Variants in AMD1 observed in about 807,000 individuals in gnomAD.
AMD1 encodes the protein adenosylmethionine decarboxylase 1.
AMD1 carries 11 observed loss-of-function variants against 40.2 expected under a neutral mutation model. That is an observed-to-expected ratio of 0.27 (90% confidence interval 0.17 to 0.45). The LOEUF is 0.45. Among genes scored for constraint, AMD1 ranks in the 20% least tolerant of loss-of-function variants. AMD1 has a pLI of 1.00. For missense variants in AMD1, 257 were observed against 410.2 expected (o/e 0.63, Z 3.23); for synonymous variants, 121 against 130.8 (o/e 0.93, Z 0.51).
At chr6:110,820,154 A>C in the AMD1 span, among the ~76,000 whole-genome samples, 1 of 152,052 alleles carries the variant, frequency 6.6e-6, no homozygotes, top group Non-Finnish European at 1.5e-5. Context: ...CTGCCTATGG[A>C]GTAGCCATTC....
chr6:110,890,062 C>G (rs1476962702), intron 3 of AMD1, 192 bp from the exon 4 acceptor site: 4 of 505,164 alleles, frequency 7.9e-6, no homozygotes, highest in Non-Finnish European at 1.4e-5. Context: ...AGGCTGGACT[C>G]CTGGGCCAAG....
chr6:110,860,862 CACACACACAGAG>C, the AMD1 span, among the ~76,000 whole-genome samples: 2 of 149,784 alleles, frequency 1.3e-5, no homozygotes, highest in African/African-American at 2.5e-5. Flanking sequence ...CACACACACA[CACACACACAGAG>C]AGAGAGAACA....
At chr6:110,848,617 T>A in the AMD1 span, 1 of 568,028 alleles carries the variant, frequency 1.8e-6, no homozygotes, top group Non-Finnish European at 2.8e-6. Context: ...AAATCTTCTT[T>A]TGCAACCCAG....
At chr6:110,839,417 C>A in the AMD1 span, among the ~76,000 whole-genome samples, 3 of 152,090 alleles carry the variant, frequency 2.0e-5, no homozygotes, top group African/African-American at 7.2e-5. Flanking sequence ...GGTGTAGGTG[C>A]TTTTCCCCAT....
intron 3 of AMD1, chr6:110,889,989 C>A: frequency 2.9e-6 from 1 of 344,704 alleles, no homozygotes; most frequent in Non-Finnish European, 5.3e-6. Context: ...GACCCATCAT[C>A]ACTAGACTGG....
At chr6:110,866,386 A>G in the AMD1 span, among the ~76,000 whole-genome samples, 9 of 152,214 alleles carry the variant, frequency 5.9e-5, no homozygotes, top group African/African-American at 2.2e-4. Context: ...AATCACTGTC[A>G]TGAGGCAGTT....
the AMD1 span, among the ~76,000 whole-genome samples, chr6:110,844,806 G>A: frequency 3.6e-4 from 54 of 151,524 alleles, no homozygotes; most frequent in Non-Finnish European, 8.8e-5. Flanking sequence ...AAGAAAGAAA[G>A]AAAGAAAAAA....
At chr6:110,819,232 C>T in the AMD1 span, among the ~76,000 whole-genome samples, 119 of 152,244 alleles carry the variant, frequency 7.8e-4, 2 homozygotes, top group African/African-American at 2.5e-3. Context: ...TGGCGCATGC[C>T]TGTAATCCCA....
intron 8 of AMD1, 145 bp from the exon 9 acceptor site, chr6:110,893,331 C>A: frequency 8.7e-7 from 1 of 1,147,522 alleles, no homozygotes; most frequent in African/African-American, 1.6e-5. Flanking sequence ...ATAAGATGCC[C>A]TGGCCCCTCC....
At chr6:110,892,233 G>T (rs755382033) in intron 5 of AMD1, 30 bp downstream of exon 5, 1 of 1,613,664 alleles carries the variant, frequency 6.2e-7, no homozygotes, top group African/African-American at 1.3e-5. Flanking sequence ...GTGGATTTTT[G>T]TTGTCCTATG....
At chr6:110,858,530 T>C in the AMD1 span, 1 of 1,595,806 alleles carries the variant, frequency 6.3e-7, no homozygotes, top group Non-Finnish European at 8.6e-7. Context: ...CATGGTCAGC[T>C]ACGGCATGAA....
the AMD1 span, chr6:110,814,962 C>T: frequency 6.3e-7 from 1 of 1,594,046 alleles, no homozygotes. Flanking sequence ...AGGTCGCGGG[C>T]AGGGCGAGGA....
rs746014934 is a variant in AMD1 at position 110,892,815 on chromosome 6, A to C, written c.696A>C (p.Gly232=). The change falls in exon 7 of 9, where the codon GGA becomes GGC. Residue 232 remains glycine, a synonymous_variant. Transcript: ENST00000368885. ...ATCCTTGTGGGTATTCGATGAATGG[A>C]ATGAAATCGGATGTGAGTAGTTATA... is the stretch of plus-strand genomic sequence containing the variant. ...MFNPCGYSMN[G]MKSDGTYWTI... The C allele has an allele frequency of 1.9e-6, 3 of 1,614,114 alleles. No individual in the cohort carries two copies. In the Admixed American group the frequency reaches 5.0e-5, roughly 27 times the overall value.
intron 1 of AMD1, chr6:110,875,607 G>C (rs1037662986): frequency 6.0e-6 from 1 of 166,734 alleles, no homozygotes; most frequent in African/African-American, 2.4e-5. Flanking sequence ...GCGCCTGCGC[G>C]GGTTGCCTCC....
the AMD1 span, among the ~76,000 whole-genome samples, chr6:110,818,611 C>T: frequency 1.3e-5 from 2 of 152,112 alleles, no homozygotes; most frequent in Non-Finnish European, 2.9e-5. Context: ...CGCGATCTCA[C>T]CTCACTGCAG....
the AMD1 span, among the ~76,000 whole-genome samples, chr6:110,856,136 A>G: frequency 6.6e-6 from 1 of 152,040 alleles, no homozygotes. Flanking sequence ...CCAGAGGGGA[A>G]GATCACAGAT....
the AMD1 span, among the ~76,000 whole-genome samples, chr6:110,852,582 C>G: frequency 9.9e-4 from 150 of 152,212 alleles, 1 homozygote; most frequent in African/African-American, 3.3e-3. Context: ...CCTCCTTCAA[C>G]AACTGGGAAA....
chr6:110,871,542 G>A (rs563131073), upstream of AMD1, among the ~76,000 whole-genome samples: 15 of 152,262 alleles, frequency 9.9e-5, no homozygotes, highest in Admixed American at 2.0e-4. Context: ...TTGAGTTTAA[G>A]CAACTGCTGT....
At chr6:110,844,994 A>C in the AMD1 span, among the ~76,000 whole-genome samples, 1 of 147,910 alleles carries the variant, frequency 6.8e-6, no homozygotes, top group African/African-American at 2.5e-5. Context: ...AGAGAGAGAA[A>C]GCAAGCGCAA....
Sources: gnomAD v4.1 joint callset for allele counts (sites outside exome capture counted in the v4.1 genomes callset) on GRCh38, gnomAD v4.1.1 for gene constraint, MANE v1.5 for transcripts, NCBI Gene and HGNC (gene_info 2026-07-23, HGNC 2026-07-21) for gene names.